Variants in CREBRF observed in about 807,000 individuals in gnomAD.
CREBRF encodes the protein CREB3 regulatory factor.
In CREBRF, 5 loss-of-function variants were observed where a neutral mutation model predicts 66.1. That is an observed-to-expected ratio of 0.08 (90% confidence interval 0.04 to 0.16). The LOEUF (loss-of-function observed/expected upper bound fraction) is 0.16, where lower values mean the gene tolerates loss of function less well. CREBRF is among the 10% of genes least tolerant of loss of function. CREBRF has a pLI of 1.00. For synonymous variants in CREBRF, 229 were observed against 264.4 expected (o/e 0.87, Z 1.30); for missense variants, 531 against 744.9 (o/e 0.71, Z 3.34).
chr5:173,091,422 T>C, intron 4 of CREBRF, 21 bp downstream of exon 4: 1 of 1,606,630 alleles, frequency 6.2e-7, no homozygotes, highest in Non-Finnish European at 8.5e-7. Context: ...GCTTGCAAGC[T>C]TACCAGACTG....
rs190660941 is a variant in CREBRF at position 173,087,468 on chromosome 5, C to T, written c.135+842C>T. ...ATCCCAGCACTTTGGGAGGCCAAGGCGGGCGGATCATGAGGTCAGGAGATT... is the reference window on the plus strand; with the variant it reads ...ATCCCAGCACTTTGGGAGGCCAAGGTGGGCGGATCATGAGGTCAGGAGATT... On this transcript the variant is annotated intron_variant, in intron 3 of 8. Coordinates refer to ENST00000296953, the MANE Select transcript of CREBRF (RefSeq NM_153607.3). Among the ~76,000 whole-genome samples, 257 of 151,978 alleles carry T rather than the reference C, an allele frequency of 1.7e-3. 5 individuals carry two copies. The highest frequency in any genetic ancestry group is 0.015 in the Admixed American group (229 of 15,278).
At chr5:173,059,756 C>T (rs1204252728) in intron 1 of CREBRF, among the ~76,000 whole-genome samples, 5 of 152,186 alleles carry the variant, frequency 3.3e-5, no homozygotes, top group Non-Finnish European at 5.9e-5. Context: ...ATATAATGCT[C>T]TCTTATTCTA....
chr5:173,137,794 C>T lies in CREBRF; in HGVS notation c.*4049C>T, dbSNP rs1025142545. On this transcript the variant is annotated 3_prime_UTR_variant, in exon 9 of 9. Transcript: ENST00000296953. The stretch of plus-strand genomic sequence containing the variant: ...AATGGATGTGCTTTTCTTTATTCCA[C>T]ACATTTAAAAAAATTTAGCTGCTAA... The T allele has an allele frequency of 1.3e-4, 19 of 151,982 alleles. No homozygotes were observed. Among genetic ancestry groups the T allele is most frequent in the African/African-American group, 4.3e-4 (18 of 41,396 alleles). 9.4% of individuals were successfully genotyped at this position (151,982 alleles called of 1,614,324 possible).
At chr5:173,108,123 C>T (rs565036626) in intron 4 of CREBRF, among the ~76,000 whole-genome samples, 140 of 151,356 alleles carry the variant, frequency 9.2e-4, no homozygotes, top group African/African-American at 2.1e-3. Context: ...TGAGCCACCA[C>T]GCCTGGCCTA....
At chr5:173,062,392 T>C (rs1397766354) in intron 1 of CREBRF, among the ~76,000 whole-genome samples, 1 of 152,214 alleles carries the variant, frequency 6.6e-6, no homozygotes, top group Non-Finnish European at 1.5e-5. Context: ...TAAAGTCTAC[T>C]ATTAGAGATG....
intron 1 of CREBRF, among the ~76,000 whole-genome samples, chr5:173,079,310 T>G (rs940687611): frequency 1.9e-4 from 29 of 151,650 alleles, no homozygotes; most frequent in African/African-American, 7.0e-4. Flanking sequence ...AGAACAATGA[T>G]TGAGTCCCTG....
Position 173,110,590 on chromosome 5 carries a change from C to T in CREBRF, c.1486C>T (p.Leu496Phe). Residue 496 changes from leucine to phenylalanine, a missense_variant, in exon 6 of 9, where the codon CTC becomes TTC. Leu to Phe is a conservative substitution (Grantham distance 22). Coordinates refer to ENST00000296953, the MANE Select transcript of CREBRF (RefSeq NM_153607.3). ...CCTGACTCCAAATCCTAAAAAACTCCTCCAGATAGGCAATGAACTTCGGAA... is the reference window on the plus strand; with the variant it reads ...CCTGACTCCAAATCCTAAAAAACTCTTCCAGATAGGCAATGAACTTCGGAA... Reference protein sequence around the residue: ...EDLTPNPKKLLQIGNELRKLN... With the variant: ...EDLTPNPKKLFQIGNELRKLN... The T allele has an allele frequency of 6.2e-7, 1 of 1,613,932 alleles. No individual in the cohort carries two copies. Among genetic ancestry groups the T allele is most frequent in the Non-Finnish European group, 8.5e-7 (1 of 1,179,864 alleles).
At chr5:173,063,713 A>T (rs541110163) in intron 1 of CREBRF, among the ~76,000 whole-genome samples, 20 of 148,182 alleles carry the variant, frequency 1.3e-4, no homozygotes, top group Non-Finnish European at 2.4e-4. Context: ...ATTAAAAAGA[A>T]TTTTTGTTCT....
intron 1 of CREBRF, chr5:173,060,542 T>C (rs775289924): frequency 1.2e-4 from 19 of 152,136 alleles, no homozygotes; most frequent in Middle Eastern, 3.2e-3. Flanking sequence ...AGTTATGTGA[T>C]TTTGAAATGA....
At chr5:173,066,510 TAATTTATGTAAAAGAA>T (rs1757441217) in intron 1 of CREBRF, among the ~76,000 whole-genome samples, 1 of 152,224 alleles carries the variant, frequency 6.6e-6, no homozygotes, top group Admixed American at 6.5e-5. Context: ...TATTGAATTA[TAATTTATGTAAAAGAA>T]AATTCAACCA....
At chr5:173,077,847 T>C (rs1473281132) in intron 1 of CREBRF, among the ~76,000 whole-genome samples, 1 of 152,262 alleles carries the variant, frequency 6.6e-6, no homozygotes, top group African/African-American at 2.4e-5. Flanking sequence ...GTGTCTATTT[T>C]ACTTACCATA....
chr5:173,119,784 C>T (rs939274683), intron 7 of CREBRF, among the ~76,000 whole-genome samples: 4 of 151,970 alleles, frequency 2.6e-5, no homozygotes, highest in African/African-American at 4.8e-5. Context: ...AGAAAATTTC[C>T]TGCTATTTCT....
chr5:173,068,060 G>C (rs972998488), intron 1 of CREBRF: 1 of 429,606 alleles, frequency 2.3e-6, no homozygotes, highest in Admixed American at 2.8e-5. Flanking sequence ...CCTCCCAGTA[G>C]AGTGCACTTG....
chr5:173,099,044 A>T (rs1482370526), intron 4 of CREBRF, among the ~76,000 whole-genome samples: 1 of 152,046 alleles, frequency 6.6e-6, no homozygotes, highest in Admixed American at 6.6e-5. Context: ...CTCTTGTGAC[A>T]GTTTTTGATT....
At chr5:173,115,220 C>T (rs1758961630) in intron 7 of CREBRF, among the ~76,000 whole-genome samples, 1 of 151,224 alleles carries the variant, frequency 6.6e-6, no homozygotes, top group African/African-American at 2.4e-5. Context: ...GATTCTGTTG[C>T]CTTAAGCCTC....
At chr5:173,061,327 T>C (rs1380969149) in intron 1 of CREBRF, among the ~76,000 whole-genome samples, 2 of 152,356 alleles carry the variant, frequency 1.3e-5, no homozygotes, top group Non-Finnish European at 1.5e-5. Flanking sequence ...ATAGACACTT[T>C]AGGTACATTT....
At chr5:173,061,825 A>T (rs1210757072) in intron 1 of CREBRF, among the ~76,000 whole-genome samples, 1 of 152,242 alleles carries the variant, frequency 6.6e-6, no homozygotes, top group East Asian at 1.9e-4. Context: ...TGAAGCAGAG[A>T]TGCCGTAATC....
intron 2 of CREBRF, 85 bp downstream of exon 2, chr5:173,080,869 C>A: frequency 3.0e-6 from 4 of 1,315,896 alleles, no homozygotes; most frequent in Non-Finnish European, 4.3e-6. Flanking sequence ...AATCTTAACA[C>A]AACTTTGCAT....
chr5:173,108,541 A>G (rs1303858017), intron 4 of CREBRF, 83 bp from the exon 5 acceptor site: 12 of 1,168,336 alleles, frequency 1.0e-5, no homozygotes, highest in Non-Finnish European at 1.5e-5. Context: ...ATACCAAGTT[A>G]CAAATAGAAG....
Sources: allele counts gnomAD v4.1 joint callset (sites outside exome capture counted in the v4.1 genomes callset), GRCh38; gene constraint gnomAD v4.1.1; transcripts MANE v1.5; gene names NCBI Gene and HGNC (gene_info 2026-07-23, HGNC 2026-07-21).